EYS: variants seen among roughly 807,000 people sequenced by gnomAD.
The protein encoded by EYS is protein eyes shut homolog.
In EYS, 250 loss-of-function variants were observed where a neutral mutation model predicts 282.1. The observed-to-expected ratio is 0.89, with a 90% CI of 0.80 to 0.98. EYS has a LOEUF of 0.98. Ranked by LOEUF, EYS falls within the 50% of genes least tolerant of loss-of-function variation. EYS has a pLI of 0.00. For synonymous variants in EYS, 1,355 were observed against 1,282.9 expected, an observed-to-expected ratio of 1.06 and a Z score of -1.20; for missense variants, 4,016 against 3,709.0, an observed-to-expected ratio of 1.08 and a Z score of -2.15.
intron 2 of EYS, among the ~76,000 whole-genome samples, chr6:65,538,394 A>G (rs9363387): frequency 0.21 from 31,868 of 152,064 alleles, 3,719 homozygotes; most frequent in East Asian, 0.31. Flanking sequence ...TTATGCACAG[A>G]AAAAGATGGT....
chr6:64,129,805 G>A (rs1773909870), intron 31 of EYS, among the ~76,000 whole-genome samples: 1 of 152,122 alleles, frequency 6.6e-6, no homozygotes, highest in South Asian at 2.1e-4. Flanking sequence ...ATTAATTTTT[G>A]TATAAGGTGT....
chr6:63,849,595 A>T (rs1772188810), intron 36 of EYS, among the ~76,000 whole-genome samples: 1 of 152,178 alleles, frequency 6.6e-6, no homozygotes, highest in South Asian at 2.1e-4. Context: ...TGACTGTTAG[A>T]AGGAAAACTA....
chr6:64,039,415 C>T (rs981736459), intron 33 of EYS, among the ~76,000 whole-genome samples: 13 of 152,016 alleles, frequency 8.6e-5, no homozygotes, highest in African/African-American at 2.4e-4. Context: ...ATATTAGAAG[C>T]GGTATAGTAC....
At chr6:65,623,029 A>G (rs1239665656) in intron 2 of EYS, among the ~76,000 whole-genome samples, 1 of 152,182 alleles carries the variant, frequency 6.6e-6, no homozygotes, top group African/African-American at 2.4e-5. Context: ...AAGTACTGAG[A>G]TTGTAGGCCT....
intron 12 of EYS, among the ~76,000 whole-genome samples, chr6:65,258,947 G>C (rs1393280909): frequency 6.6e-6 from 1 of 152,024 alleles, no homozygotes; most frequent in African/African-American, 2.4e-5. Context: ...GGAAAACCCT[G>C]CATGTGGAAA....
intron 12 of EYS, among the ~76,000 whole-genome samples, chr6:65,192,066 TATATTCAACTGGCCATGATAAATACA>T (rs1304787545): frequency 6.6e-6 from 1 of 151,750 alleles, no homozygotes; most frequent in Non-Finnish European, 1.5e-5. Flanking sequence ...AAAGATTAAA[TATATTCAACTGGCCATGATAAATACA>T]ATCCAGGTCC....
intron 16 of EYS, among the ~76,000 whole-genome samples, chr6:64,903,758 A>G (rs1351506545): frequency 6.6e-6 from 1 of 152,232 alleles, no homozygotes; most frequent in South Asian, 2.1e-4. Context: ...TCATCTTTTC[A>G]TATCATACCA....
chr6:65,407,613 C>T (rs569024118), intron 5 of EYS, among the ~76,000 whole-genome samples: 75 of 152,196 alleles, frequency 4.9e-4, no homozygotes, highest in African/African-American at 1.6e-3. Flanking sequence ...AGCTTGTAGT[C>T]TGAAAACGGT....
chr6:64,822,635 T>A lies in EYS; in HGVS notation c.3164+16A>T. The A allele has an allele frequency of 6.6e-7, 1 of 1,506,532 alleles. No homozygotes were observed. Among genetic ancestry groups the A allele is most frequent in the Non-Finnish European group, 8.9e-7 (1 of 1,128,638 alleles). 93.3% of individuals were successfully genotyped at this position (1,506,532 alleles called of 1,614,324 possible). A position where few individuals can be genotyped will look rare whatever the true frequency, so the allele number is the denominator to read the frequency against. On this transcript the variant is annotated intron_variant, in intron 20 of 42. Transcript: ENST00000503581. ...AAATATACTTTCATAAAGCTAATAA[T>A]AAAAAAAATAGCTACCTTCCATGTA... is the stretch of plus-strand genomic sequence containing the variant.
chr6:63,983,433 T>C (rs1252248971), intron 35 of EYS, among the ~76,000 whole-genome samples: 1 of 151,810 alleles, frequency 6.6e-6, no homozygotes, highest in African/African-American at 2.4e-5. Flanking sequence ...TTGTGATTGG[T>C]TCTTTCTCTC....
At chr6:64,627,557 A>G (rs928019979) in intron 22 of EYS, among the ~76,000 whole-genome samples, 1 of 152,236 alleles carries the variant, frequency 6.6e-6, no homozygotes, top group South Asian at 2.1e-4. Flanking sequence ...AATTTGCAAA[A>G]GTAGAATTTA....
intron 30 of EYS, among the ~76,000 whole-genome samples, chr6:64,281,831 G>A (rs1473937196): frequency 6.6e-6 from 1 of 152,094 alleles, no homozygotes; most frequent in Non-Finnish European, 1.5e-5. Context: ...ATAGAAGAAG[G>A]AAGAGATTCA....
chr6:64,832,049 A>T (rs1267019675), intron 19 of EYS, among the ~76,000 whole-genome samples: 1 of 151,826 alleles, frequency 6.6e-6, no homozygotes, highest in East Asian at 1.9e-4. Context: ...AAAATGAAAG[A>T]TATTAGACAA....
rs1227037218 is a variant in EYS at position 65,117,879 on chromosome 6, A to G, written c.2024-60152T>C. On this transcript the variant is annotated intron_variant, in intron 12 of 42. Transcript: ENST00000503581. ...ATACCAGATTTGTTTTTATTACATGAAAAATATTTTGAGGAGGCTGTGGAA... is the reference window on the plus strand; with the variant it reads ...ATACCAGATTTGTTTTTATTACATGGAAAATATTTTGAGGAGGCTGTGGAA... Among the ~76,000 whole-genome samples the G allele has an allele frequency of 3.3e-5, 5 of 152,194 alleles. No homozygotes were observed. In the East Asian group the frequency reaches 9.6e-4, roughly 29 times the overall value.
intron 22 of EYS, among the ~76,000 whole-genome samples, chr6:64,800,299 AG>A (rs1226936582): frequency 6.6e-6 from 1 of 152,040 alleles, no homozygotes; most frequent in Admixed American, 6.5e-5. Flanking sequence ...TTGATGAAAA[AG>A]TACTATCAAC....
At chr6:64,532,607 G>C (rs1487460492) in intron 26 of EYS, among the ~76,000 whole-genome samples, 1 of 152,136 alleles carries the variant, frequency 6.6e-6, no homozygotes, top group African/African-American at 2.4e-5. Flanking sequence ...TACTCGGGAG[G>C]CTGAGGCAGG....
intron 28 of EYS, among the ~76,000 whole-genome samples, chr6:64,406,676 G>A (rs1010020964): frequency 3.9e-5 from 6 of 152,280 alleles, no homozygotes; most frequent in African/African-American, 1.4e-4. Context: ...CTCAAAAAAA[G>A]ACATTTATGC....
intron 33 of EYS, among the ~76,000 whole-genome samples, chr6:64,047,508 G>A (rs576035113): frequency 2.0e-5 from 3 of 152,316 alleles, no homozygotes; most frequent in African/African-American, 7.2e-5. Context: ...CTGACAGAAT[G>A]ATAATTGTTT....
chr6:64,318,502 C>A (rs1344899754), intron 29 of EYS, among the ~76,000 whole-genome samples: 1 of 151,896 alleles, frequency 6.6e-6, no homozygotes, highest in African/African-American at 2.4e-5. Context: ...ACAAACACAT[C>A]ACAATTTTTT....
Sources: gnomAD v4.1 joint callset for allele counts (sites outside exome capture counted in the v4.1 genomes callset) on GRCh38, gnomAD v4.1.1 for gene constraint, MANE v1.5 for transcripts, NCBI Gene and HGNC (gene_info 2026-07-23, HGNC 2026-07-21) for gene names.